Variants in SCHIP1 observed in about 807,000 individuals in gnomAD.
SCHIP1 encodes the protein schwannomin-interacting protein 1.
In SCHIP1, 8 loss-of-function variants were observed where a neutral mutation model predicts 29.7. The observed-to-expected ratio is 0.27, with a 90% confidence interval of 0.16 to 0.49. The LOEUF (loss-of-function observed/expected upper bound fraction) is 0.49, where lower values mean the gene tolerates loss of function less well. Among genes scored for constraint, SCHIP1 ranks in the 20% least tolerant of loss-of-function variants. SCHIP1 has a pLI of 0.99. For synonymous variants in SCHIP1, 76 were observed against 94.9 expected, an observed-to-expected ratio of 0.80 and a Z score of 1.16; for missense variants, 193 against 294.6, an observed-to-expected ratio of 0.66 and a Z score of 2.52.
At chr3:159,840,166 C>T in exon 1 of SCHIP1, 1 of 1,535,406 alleles carries the variant, frequency 6.5e-7, no homozygotes, top group Non-Finnish European at 8.7e-7. Flanking sequence ...TTGGGGTCTG[C>T]GCCCTAGGAT....
At chr3:159,429,290 C>A in the SCHIP1 span, among the ~76,000 whole-genome samples, 2,505 of 151,076 alleles carry the variant, frequency 0.017, 57 homozygotes, top group African/African-American at 0.058. Flanking sequence ...TTGAAGATTT[C>A]ATAAGAGACT....
chr3:159,721,774 T>G, the SCHIP1 span: 1 of 449,778 alleles, frequency 2.2e-6, no homozygotes, highest in Admixed American at 2.5e-5. Context: ...CTTCTTGTTC[T>G]GCTGTTCTTC....
chr3:159,686,112 C>T, the SCHIP1 span, among the ~76,000 whole-genome samples: 1 of 152,156 alleles, frequency 6.6e-6, no homozygotes, highest in Admixed American at 6.6e-5. Context: ...AACTGGAACA[C>T]AAAAGGCTAC....
At chr3:159,341,090 C>T in the SCHIP1 span, among the ~76,000 whole-genome samples, 2 of 152,102 alleles carry the variant, frequency 1.3e-5, no homozygotes, top group Non-Finnish European at 2.9e-5. Context: ...GTGATATCTG[C>T]CTGCTTACGG....
chr3:159,510,781 T>C, the SCHIP1 span, among the ~76,000 whole-genome samples: 1,231 of 152,202 alleles, frequency 8.1e-3, 15 homozygotes, highest in African/African-American at 0.028. Context: ...TGCAGAACAG[T>C]GAATATTGCT....
At chr3:159,526,797 A>G in the SCHIP1 span, among the ~76,000 whole-genome samples, 1 of 152,178 alleles carries the variant, frequency 6.6e-6, no homozygotes, top group Non-Finnish European at 1.5e-5. Context: ...ACTACAGTCA[A>G]TCACCTTGTG....
At chr3:159,677,190 T>C in the SCHIP1 span, among the ~76,000 whole-genome samples, 2 of 152,130 alleles carry the variant, frequency 1.3e-5, no homozygotes, top group African/African-American at 4.8e-5. Context: ...GAATTCCCTA[T>C]TCATTTGAGG....
chr3:159,573,685 A>T, the SCHIP1 span, among the ~76,000 whole-genome samples: 1 of 152,122 alleles, frequency 6.6e-6, no homozygotes, highest in African/African-American at 2.4e-5. Context: ...GTTCTGCTGG[A>T]TACTATCCTG....
At chr3:159,518,187 A>G in the SCHIP1 span, among the ~76,000 whole-genome samples, 1 of 152,148 alleles carries the variant, frequency 6.6e-6, no homozygotes, top group African/African-American at 2.4e-5. Flanking sequence ...ATATGAAACA[A>G]TATCAAATCT....
chr3:159,736,561 A>G, the SCHIP1 span, among the ~76,000 whole-genome samples: 1 of 152,060 alleles, frequency 6.6e-6, no homozygotes, highest in Non-Finnish European at 1.5e-5. Context: ...GGAAGCTTGA[A>G]CAAGTCTACA....
the SCHIP1 span, among the ~76,000 whole-genome samples, chr3:159,301,460 G>A: frequency 1.1e-3 from 171 of 152,260 alleles, no homozygotes; most frequent in African/African-American, 3.8e-3. Flanking sequence ...AACTACATGG[G>A]AAGAGTTTTT....
chr3:159,709,083 G>C, the SCHIP1 span, among the ~76,000 whole-genome samples: 2 of 151,582 alleles, frequency 1.3e-5, no homozygotes, highest in African/African-American at 2.4e-5. Context: ...ATGGGGGAAG[G>C]GTGCTGGTAA....
the SCHIP1 span, among the ~76,000 whole-genome samples, chr3:159,390,942 C>T: frequency 6.6e-6 from 1 of 152,140 alleles, no homozygotes; most frequent in Non-Finnish European, 1.5e-5. Context: ...TTGCTTTATC[C>T]TTTCATACAA....
At chr3:159,343,967 ACT>A in the SCHIP1 span, among the ~76,000 whole-genome samples, 1 of 152,178 alleles carries the variant, frequency 6.6e-6, no homozygotes, top group African/African-American at 2.4e-5. Context: ...TGGAGGAATA[ACT>A]CTAATAAGGC....
At chr3:159,364,526 G>A in the SCHIP1 span, among the ~76,000 whole-genome samples, 1 of 152,156 alleles carries the variant, frequency 6.6e-6, no homozygotes, top group Non-Finnish European at 1.5e-5. Context: ...GGTGTTCCAT[G>A]AACATTTGTT....
intron 1 of SCHIP1, chr3:159,853,338 A>G: frequency 2.9e-6 from 2 of 679,038 alleles, no homozygotes; most frequent in Admixed American, 2.1e-5. Flanking sequence ...ATCAGAATTC[A>G]TGGGAGGTTA....
the SCHIP1 span, among the ~76,000 whole-genome samples, chr3:159,661,705 G>T: frequency 6.6e-6 from 1 of 152,136 alleles, no homozygotes; most frequent in Non-Finnish European, 1.5e-5. Flanking sequence ...GCACCCTCTT[G>T]TAGCCTTGTC....
chr3:159,352,626 T>C, the SCHIP1 span, among the ~76,000 whole-genome samples: 1 of 152,170 alleles, frequency 6.6e-6, no homozygotes, highest in Admixed American at 6.5e-5. Context: ...TAAAGAAAGA[T>C]ACAGAACCAT....
At chr3:159,411,339 T>A in the SCHIP1 span, among the ~76,000 whole-genome samples, 1 of 152,212 alleles carries the variant, frequency 6.6e-6, no homozygotes, top group Middle Eastern at 3.4e-3. Context: ...GATACCCCAT[T>A]TATCTTGATG....
Sources: allele counts gnomAD v4.1 joint callset (sites outside exome capture counted in the v4.1 genomes callset), GRCh38; gene constraint gnomAD v4.1.1; transcripts MANE v1.5; gene names NCBI Gene and HGNC (gene_info 2026-07-23, HGNC 2026-07-21).